TOX: variants seen among roughly 807,000 people sequenced by gnomAD.
TOX encodes thymocyte selection associated high mobility group box, also known as thymocyte selection-associated high mobility group box protein TOX.
Under a neutral mutation model 53.7 loss-of-function variants are expected in TOX, and 11 were observed. That is an observed-to-expected ratio of 0.20 (90% CI 0.13 to 0.34). The LOEUF is 0.34. Ranked by LOEUF, TOX falls within the 10% of genes least tolerant of loss-of-function variation. The probability of loss-of-function intolerance (pLI) is 1.00; values close to 1 mark genes in which losing one functional copy is unlikely to be tolerated. For missense variants in TOX, 570 were observed against 664.6 expected, an observed-to-expected ratio of 0.86 and a Z score of 1.56; for synonymous variants, 225 against 245.3, an observed-to-expected ratio of 0.92 and a Z score of 0.77.
intron 1 of TOX, among the ~76,000 whole-genome samples, chr8:59,013,009 C>G (rs574630891): frequency 1.3e-5 from 2 of 151,664 alleles, no homozygotes; most frequent in Non-Finnish European, 2.9e-5. Flanking sequence ...CCATGATATA[C>G]AGTCTTTTTA....
chr8:58,825,168 C>T (rs1272656038), intron 6 of TOX, among the ~76,000 whole-genome samples: 1 of 152,002 alleles, frequency 6.6e-6, no homozygotes, highest in Non-Finnish European at 1.5e-5. Flanking sequence ...ATGCAAATAT[C>T]CACTCACATA....
chr8:58,962,179 T>C (rs1311439121), intron 1 of TOX, among the ~76,000 whole-genome samples: 1 of 152,234 alleles, frequency 6.6e-6, no homozygotes, highest in Non-Finnish European at 1.5e-5. Flanking sequence ...ATCCAACATG[T>C]ACGCTAATTG....
chr8:59,054,926 AAG>A, intron 1 of TOX, among the ~76,000 whole-genome samples: 1 of 144,868 alleles, frequency 6.9e-6, no homozygotes, highest in Non-Finnish European at 1.5e-5. Flanking sequence ...GAAAGAAAGA[AAG>A]AAAAAGAAAG....
At chr8:58,969,539 C>G (rs1223903077) in intron 1 of TOX, among the ~76,000 whole-genome samples, 1 of 152,112 alleles carries the variant, frequency 6.6e-6, no homozygotes, top group East Asian at 1.9e-4. Context: ...TGTAACTTTC[C>G]CTGCTGATTT....
At chr8:58,976,021 G>A (rs903776222) in intron 1 of TOX, among the ~76,000 whole-genome samples, 5 of 152,078 alleles carry the variant, frequency 3.3e-5, no homozygotes, top group African/African-American at 4.8e-5. Flanking sequence ...GCAGTGAGCC[G>A]GGATTGCACC....
At chr8:58,965,083 A>C (rs530396950) in intron 1 of TOX, among the ~76,000 whole-genome samples, 1 of 152,206 alleles carries the variant, frequency 6.6e-6, no homozygotes, top group Admixed American at 6.5e-5. Context: ...AGTCAACTGA[A>C]TTTAGGCATC....
intron 6 of TOX, among the ~76,000 whole-genome samples, chr8:58,825,723 C>G (rs907303161): frequency 1.3e-5 from 2 of 152,144 alleles, no homozygotes; most frequent in African/African-American, 2.4e-5. Context: ...CTATTTAATC[C>G]AATGGCTATA....
chr8:58,824,955 T>C (rs1361268130), intron 6 of TOX, among the ~76,000 whole-genome samples: 3 of 152,216 alleles, frequency 2.0e-5, no homozygotes, highest in Non-Finnish European at 4.4e-5. Flanking sequence ...ATTTTCTGTT[T>C]GCCCCTTTAA....
chr8:58,865,422 C>CT (rs879922140), intron 3 of TOX, among the ~76,000 whole-genome samples: 8 of 146,038 alleles, frequency 5.5e-5, no homozygotes, highest in Middle Eastern at 3.6e-3. Flanking sequence ...TATCCTCGTA[C>CT]TTTTTTTTTT....
At chr8:58,909,079 T>C (rs543960812) in intron 3 of TOX, among the ~76,000 whole-genome samples, 2 of 152,218 alleles carry the variant, frequency 1.3e-5, no homozygotes, top group Non-Finnish European at 2.9e-5. Flanking sequence ...TTTTCAACTC[T>C]AGTCACACAT....
intron 1 of TOX, among the ~76,000 whole-genome samples, chr8:59,076,972 T>C (rs1456878054): frequency 6.6e-6 from 1 of 152,232 alleles, no homozygotes. Flanking sequence ...TCTTATTGCA[T>C]ATTATAATTG....
chr8:59,046,858 C>CAAAAAAAAAAAAAAAAAAAAAAA (rs34869193), intron 1 of TOX, among the ~76,000 whole-genome samples: 1 of 77,912 alleles, frequency 1.3e-5, no homozygotes, highest in Non-Finnish European at 2.3e-5. Context: ...GACTATGTCT[C>CAAAAAAAAAAAAAAAAAAAAAAA]AAAAAAAAAA....
At chr8:58,908,905 T>A (rs1231030428) in intron 3 of TOX, among the ~76,000 whole-genome samples, 2 of 152,254 alleles carry the variant, frequency 1.3e-5, no homozygotes, top group Non-Finnish European at 2.9e-5. Context: ...TATTTTCTTA[T>A]ATGAAGTTGA....
intron 3 of TOX, among the ~76,000 whole-genome samples, chr8:58,862,508 C>A (rs981498052): frequency 3.9e-5 from 6 of 152,020 alleles, no homozygotes; most frequent in Non-Finnish European, 8.8e-5. Flanking sequence ...TTCTTTAAAA[C>A]AACAGCCAAT....
chr8:59,002,583 T>A (rs1272859702), intron 1 of TOX, among the ~76,000 whole-genome samples: 2 of 146,534 alleles, frequency 1.4e-5, no homozygotes, highest in African/African-American at 5.0e-5. Flanking sequence ...ACAGCAAGAC[T>A]CCGTCTCAAA....
At chr8:58,890,238 T>C (rs1032017390) in intron 3 of TOX, among the ~76,000 whole-genome samples, 2 of 142,542 alleles carry the variant, frequency 1.4e-5, no homozygotes, top group African/African-American at 4.9e-5. Context: ...CCAATGTAGT[T>C]ATCATATTCA....
At chr8:58,997,541 C>A (rs939771383) in intron 1 of TOX, among the ~76,000 whole-genome samples, 4 of 152,168 alleles carry the variant, frequency 2.6e-5, no homozygotes, top group Non-Finnish European at 4.4e-5. Context: ...CTGCCAAGTG[C>A]GCCTGGGTGG....
chr8:58,860,107 C>T (rs947219686), intron 3 of TOX, among the ~76,000 whole-genome samples: 3 of 152,170 alleles, frequency 2.0e-5, no homozygotes, highest in South Asian at 2.1e-4. Context: ...CCATTTTATT[C>T]GATTTTTTTC....
chr8:58,886,704 G>T (rs945269496), intron 3 of TOX, among the ~76,000 whole-genome samples: 2 of 151,894 alleles, frequency 1.3e-5, no homozygotes, highest in Non-Finnish European at 2.9e-5. Flanking sequence ...ATTGTTTGCA[G>T]GTTTATAATG....
Sources: allele counts gnomAD v4.1 joint callset (sites outside exome capture counted in the v4.1 genomes callset), GRCh38; gene constraint gnomAD v4.1.1; transcripts MANE v1.5; gene names NCBI Gene and HGNC (gene_info 2026-07-23, HGNC 2026-07-21).